NAALADL2: variants seen among roughly 807,000 people sequenced by gnomAD.
NAALADL2 encodes N-acetylated alpha-linked acidic dipeptidase like 2.
In NAALADL2, 76 loss-of-function variants were observed where a neutral mutation model predicts 87.2. The ratio of observed to expected loss-of-function variants is 0.87; its 90% CI spans 0.72 to 1.05. The LOEUF is 1.05. Ranked by LOEUF, NAALADL2 falls within the 50% of genes least tolerant of loss-of-function variation. The pLI, the probability that NAALADL2 is intolerant of heterozygous loss-of-function variation, is 0.00. For synonymous variants in NAALADL2, 354 were observed against 331.0 expected (o/e 1.07, Z -0.75); for missense variants, 1,089 against 945.8 (o/e 1.15, Z -1.99).
chr3:174,954,113 T>C (rs530892293), intron 1 of NAALADL2, among the ~76,000 whole-genome samples: 196 of 152,224 alleles, frequency 1.3e-3, no homozygotes, highest in African/African-American at 4.5e-3. Context: ...ATATTCCTTC[T>C]GGCACATCCA....
At chr3:174,737,669 GA>G (rs1403322906) in exon 3 of NAALADL2, 1 of 152,168 alleles carries the variant, frequency 6.6e-6, no homozygotes, top group East Asian at 1.9e-4. Context: ...TAGGCACCTG[GA>G]TGAAGACTGG....
At chr3:174,826,072 ACAAT>A (rs1157233728) in intron 3 of NAALADL2, among the ~76,000 whole-genome samples, 4 of 151,746 alleles carry the variant, frequency 2.6e-5, no homozygotes, top group African/African-American at 7.3e-5. Flanking sequence ...AACAACAACA[ACAAT>A]CAAACAAAAT....
chr3:175,303,355 A>G (rs1207828761), intron 4 of NAALADL2, among the ~76,000 whole-genome samples: 1 of 152,166 alleles, frequency 6.6e-6, no homozygotes, highest in Admixed American at 6.5e-5. Flanking sequence ...TATTTAAGTA[A>G]TTAAGTTGTA....
chr3:175,582,225 A>C (rs1222969007), intron 10 of NAALADL2, among the ~76,000 whole-genome samples: 1 of 152,184 alleles, frequency 6.6e-6, no homozygotes, highest in East Asian at 1.9e-4. Context: ...TACTAAAAAA[A>C]AAAAAGAAGA....
chr3:175,323,877 G>C (rs1481734095), intron 4 of NAALADL2, among the ~76,000 whole-genome samples: 2 of 150,840 alleles, frequency 1.3e-5, no homozygotes, highest in Non-Finnish European at 3.0e-5. Flanking sequence ...AATTAGCCGG[G>C]TGTGGTGGCA....
chr3:175,088,449 G>C (rs9855822), intron 1 of NAALADL2, among the ~76,000 whole-genome samples: 27,557 of 152,088 alleles, frequency 0.18, 2,589 homozygotes, highest in East Asian at 0.32. Context: ...TATGAGAAAA[G>C]CTATTTCGGA....
chr3:174,894,594 C>CAAAAAAA (rs869161862), intron 1 of NAALADL2, among the ~76,000 whole-genome samples: 24 of 48,468 alleles, frequency 5.0e-4, no homozygotes, highest in South Asian at 1.4e-3. Flanking sequence ...AACTCCGTCT[C>CAAAAAAA]AAAAAAAAAA....
At chr3:175,535,002 A>T (rs1014587705) in intron 9 of NAALADL2, among the ~76,000 whole-genome samples, 1 of 152,106 alleles carries the variant, frequency 6.6e-6, no homozygotes. Flanking sequence ...GGCCAAGGGA[A>T]GGTTTTGTAC....
At chr3:175,431,300 A>G (rs1279415747) in intron 5 of NAALADL2, among the ~76,000 whole-genome samples, 1 of 152,074 alleles carries the variant, frequency 6.6e-6, no homozygotes, top group Non-Finnish European at 1.5e-5. Flanking sequence ...GGAACCTCAA[A>G]AGAATTAAAA....
At chr3:174,693,032 T>G (rs1728725407) in intron 2 of NAALADL2, among the ~76,000 whole-genome samples, 1 of 151,176 alleles carries the variant, frequency 6.6e-6, no homozygotes, top group South Asian at 2.1e-4. Flanking sequence ...TCTGTATCAC[T>G]TTAAGTCTGT....
chr3:175,211,162 C>A (rs1357800290), intron 2 of NAALADL2, among the ~76,000 whole-genome samples: 1 of 151,782 alleles, frequency 6.6e-6, no homozygotes, highest in Non-Finnish European at 1.5e-5. Flanking sequence ...AAGGTGGGGG[C>A]ATTGCTTCAA....
chr3:174,776,832 A>G (rs1448378755), intron 3 of NAALADL2, among the ~76,000 whole-genome samples: 1 of 152,116 alleles, frequency 6.6e-6, no homozygotes. Context: ...TGCATGACAA[A>G]GCTGCATTGT....
At chr3:174,938,405 T>C (rs1188363993) in intron 1 of NAALADL2, among the ~76,000 whole-genome samples, 1 of 152,134 alleles carries the variant, frequency 6.6e-6, no homozygotes, top group African/African-American at 2.4e-5. Context: ...TGTACCACAT[T>C]TTCTTTATTC....
At chr3:175,381,829 G>T (rs1159302884) in intron 5 of NAALADL2, among the ~76,000 whole-genome samples, 1 of 152,158 alleles carries the variant, frequency 6.6e-6, no homozygotes, top group African/African-American at 2.4e-5. Context: ...TGACTGGCGG[G>T]TTTGGGACAG....
intron 1 of NAALADL2, among the ~76,000 whole-genome samples, chr3:174,979,304 C>CTTTTTT (rs5854604): frequency 0.014 from 1,518 of 105,024 alleles, 7 homozygotes; most frequent in Non-Finnish European, 0.02. Flanking sequence ...TCTTTCTTTT[C>CTTTTTT]TTTTTTTTTT....
chr3:174,890,555 A>G (rs957983016), intron 1 of NAALADL2, among the ~76,000 whole-genome samples: 1 of 152,190 alleles, frequency 6.6e-6, no homozygotes, highest in Non-Finnish European at 1.5e-5. Flanking sequence ...GATAATGAAG[A>G]TGTAGAATGA....
intron 11 of NAALADL2, among the ~76,000 whole-genome samples, chr3:175,657,737 C>A (rs898216854): frequency 1.4e-5 from 2 of 147,972 alleles, no homozygotes; most frequent in African/African-American, 5.3e-5. Context: ...CCCGCCAACA[C>A]GCCCGGCTAA....
chr3:175,152,423 G>C (rs545356316), intron 2 of NAALADL2, among the ~76,000 whole-genome samples: 1 of 151,966 alleles, frequency 6.6e-6, no homozygotes, highest in African/African-American at 2.4e-5. Flanking sequence ...TGAAAAATTA[G>C]GACTATGATA....
intron 1 of NAALADL2, among the ~76,000 whole-genome samples, chr3:174,500,138 C>T (rs1718794562): frequency 6.6e-6 from 1 of 151,750 alleles, no homozygotes; most frequent in African/African-American, 2.4e-5. Flanking sequence ...TCTTCTACAC[C>T]TTTTGTCAAA....
Sources: allele counts gnomAD v4.1 joint callset (sites outside exome capture counted in the v4.1 genomes callset), GRCh38; gene constraint gnomAD v4.1.1; transcripts MANE v1.5; gene names NCBI Gene and HGNC (gene_info 2026-07-23, HGNC 2026-07-21).